Variants in WWOX observed in about 807,000 individuals in gnomAD.
WWOX encodes the protein WW domain containing oxidoreductase, also known as WW domain-containing oxidoreductase.
In WWOX, 69 loss-of-function variants were observed where a neutral mutation model predicts 46.2. That is an observed-to-expected ratio of 1.49 (90% confidence interval 1.23 to 1.82). The LOEUF (loss-of-function observed/expected upper bound fraction) is 1.82. WWOX is among the 40% of genes most tolerant of loss of function. The pLI is 0.00. For synonymous variants in WWOX, 359 were observed against 202.6 expected (o/e 1.77, Z -6.56); for missense variants, 919 against 542.6 (o/e 1.69, Z -6.89).
intron 8 of WWOX, among the ~76,000 whole-genome samples, chr16:79,058,663 C>A (rs2048308445): frequency 1.3e-5 from 2 of 152,160 alleles, no homozygotes; most frequent in Non-Finnish European, 2.9e-5. Flanking sequence ...TTTATATAAT[C>A]AATCAACTAG....
chr16:78,851,597 C>G (rs1381084324), intron 8 of WWOX, among the ~76,000 whole-genome samples: 2 of 152,310 alleles, frequency 1.3e-5, no homozygotes, highest in East Asian at 3.9e-4. Context: ...CTTTATCTGT[C>G]TCATTCACCA....
At chr16:78,443,321 A>T (rs377094839) in intron 8 of WWOX, among the ~76,000 whole-genome samples, 1 of 151,788 alleles carries the variant, frequency 6.6e-6, no homozygotes, top group Non-Finnish European at 1.5e-5. Flanking sequence ...ACAAAAAAAA[A>T]CCCAAAACTA....
chr16:78,516,138 C>A (rs1033554314), intron 8 of WWOX, among the ~76,000 whole-genome samples: 1 of 152,144 alleles, frequency 6.6e-6, no homozygotes, highest in Non-Finnish European at 1.5e-5. Flanking sequence ...CCTTTCTTTC[C>A]GCAGTGCCCA....
At chr16:78,615,930 TTA>T (rs999892537) in intron 8 of WWOX, among the ~76,000 whole-genome samples, 1 of 152,012 alleles carries the variant, frequency 6.6e-6, no homozygotes, top group Non-Finnish European at 1.5e-5. Flanking sequence ...TTTTGTATTT[TTA>T]GTAGAGACAG....
chr16:78,975,786 G>A (rs892434473), intron 8 of WWOX, among the ~76,000 whole-genome samples: 2 of 152,120 alleles, frequency 1.3e-5, no homozygotes, highest in African/African-American at 4.8e-5. Flanking sequence ...CAGCCTTTCA[G>A]ACAATTCTGC....
intron 8 of WWOX, among the ~76,000 whole-genome samples, chr16:79,146,835 A>C (rs2050190885): frequency 6.6e-6 from 1 of 152,152 alleles, no homozygotes; most frequent in Non-Finnish European, 1.5e-5. Context: ...AGTAGCAAAT[A>C]CTGTGTGAGG....
At chr16:78,623,178 C>T (rs558980892) in intron 8 of WWOX, among the ~76,000 whole-genome samples, 1 of 151,712 alleles carries the variant, frequency 6.6e-6, no homozygotes, top group Admixed American at 6.6e-5. Flanking sequence ...TGCCCAGACT[C>T]CTATCCTATG....
At chr16:78,230,807 A>G (rs1468119317) in intron 5 of WWOX, among the ~76,000 whole-genome samples, 1 of 152,224 alleles carries the variant, frequency 6.6e-6, no homozygotes, top group African/African-American at 2.4e-5. Flanking sequence ...ATGGAGGGGA[A>G]CACCTATCAC....
At chr16:78,366,325 C>G (rs539611432) in intron 5 of WWOX, among the ~76,000 whole-genome samples, 1 of 152,152 alleles carries the variant, frequency 6.6e-6, no homozygotes, top group African/African-American at 2.4e-5. Context: ...GATATGCTCC[C>G]TCCTATGCCT....
rs1226095694 is a variant in WWOX, at chr16:78,349,167, G to A, written c.517-37693G>A. 7.5e-5 allele frequency among the ~76,000 whole-genome samples: 9 copies of A among 120,784 alleles called. 3 individuals are homozygous for A. The highest frequency in any genetic ancestry group is 2.5e-4 in the African/African-American group (9 of 35,592). The allele number at this position is 120,784 out of a possible 152,430, so 79.2% of individuals were successfully genotyped here. On this transcript the variant is annotated intron_variant, in intron 5 of 8. Transcript: ENST00000566780. The stretch of plus-strand genomic sequence containing the variant: ...AGCCGCCTTCCCACCGTGTTCTCAC[G>A]TGACCTAGCCGCTGTGTGCACGCAT...
chr16:78,825,846 C>G, intron 8 of WWOX: 1 of 625,370 alleles, frequency 1.6e-6, no homozygotes, highest in Non-Finnish European at 2.9e-6. Context: ...GTCATGCTGC[C>G]CTGGGACCCC....
At chr16:78,219,135 A>C (rs1256606451) in intron 5 of WWOX, among the ~76,000 whole-genome samples, 2 of 152,144 alleles carry the variant, frequency 1.3e-5, no homozygotes, top group Non-Finnish European at 2.9e-5. Flanking sequence ...TACATGATAG[A>C]GACTAGGTGA....
At chr16:78,591,763 C>A (rs1443947837) in intron 8 of WWOX, among the ~76,000 whole-genome samples, 1 of 152,170 alleles carries the variant, frequency 6.6e-6, no homozygotes, top group Non-Finnish European at 1.5e-5. Flanking sequence ...GGCTGGACTG[C>A]TTCACTGGAC....
chr16:78,210,780 G>A (rs1402995420), intron 5 of WWOX, among the ~76,000 whole-genome samples: 3 of 152,190 alleles, frequency 2.0e-5, no homozygotes, highest in African/African-American at 7.2e-5. Context: ...ATTTAAAAAT[G>A]TTAGGTCTAC....
intron 5 of WWOX, among the ~76,000 whole-genome samples, chr16:78,200,420 G>A (rs1055474511): frequency 6.6e-6 from 1 of 150,904 alleles, no homozygotes; most frequent in African/African-American, 2.4e-5. Flanking sequence ...ATAAAAAAAA[G>A]TTTGGTTTAG....
At chr16:79,200,476 G>C (rs1044322805) in intron 8 of WWOX, among the ~76,000 whole-genome samples, 1 of 152,118 alleles carries the variant, frequency 6.6e-6, no homozygotes, top group African/African-American at 2.4e-5. Flanking sequence ...CCCGTTGCTT[G>C]GCCGTGAGTT....
intron 8 of WWOX, among the ~76,000 whole-genome samples, chr16:78,972,319 G>A (rs935413980): frequency 6.6e-6 from 1 of 152,122 alleles, no homozygotes; most frequent in Non-Finnish European, 1.5e-5. Flanking sequence ...TGAATGGAAA[G>A]GATCCAGGAG....
At chr16:79,044,049 C>T (rs1434722847) in intron 8 of WWOX, among the ~76,000 whole-genome samples, 1 of 152,210 alleles carries the variant, frequency 6.6e-6, no homozygotes, top group Non-Finnish European at 1.5e-5. Context: ...GGCTTCGGCC[C>T]TGCCCAGACC....
intron 8 of WWOX, among the ~76,000 whole-genome samples, chr16:78,589,681 G>T (rs2045305373): frequency 6.6e-6 from 1 of 152,172 alleles, no homozygotes; most frequent in Non-Finnish European, 1.5e-5. Context: ...TACCTGGATT[G>T]CATCTAAAAA....
Sources: gnomAD v4.1 joint callset for allele counts (sites outside exome capture counted in the v4.1 genomes callset) on GRCh38, gnomAD v4.1.1 for gene constraint, MANE v1.5 for transcripts, NCBI Gene and HGNC (gene_info 2026-07-23, HGNC 2026-07-21) for gene names.